ALOX5: variants seen among roughly 807,000 people sequenced by gnomAD.
The protein encoded by ALOX5 is arachidonate 5-lipoxygenase, also known as polyunsaturated fatty acid 5-lipoxygenase.
In ALOX5, 64 loss-of-function variants were observed where a neutral mutation model predicts 87.9. The ratio of observed to expected loss-of-function variants is 0.73; its 90% CI spans 0.60 to 0.90. The LOEUF is 0.90. Ranked by LOEUF, ALOX5 falls within the 40% of genes least tolerant of loss-of-function variation. ALOX5 has a pLI of 0.00. For missense variants in ALOX5, 822 were observed against 907.5 expected (o/e 0.91, Z 1.21); for synonymous variants, 388 against 355.1 (o/e 1.09, Z -1.04).
chr10:45,425,211 T>C lies in ALOX5; in HGVS notation c.834+79T>C. 4 of 1,482,818 alleles carry C rather than the reference T, an allele frequency of 2.7e-6. No homozygotes were observed. The highest frequency in any genetic ancestry group is 3.6e-6 in the Non-Finnish European group (4 of 1,105,930). The allele number at this position is 1,482,818 out of a possible 1,614,324, so 91.9% of individuals were successfully genotyped here. On this transcript the variant is annotated intron_variant, in intron 6 of 13. Transcript: ENST00000374391. This position sits in a 1 kb window ranked among gnomAD's most constrained non-coding sequence, Gnocchi z 4.4. ...GCCAGTTCCTCCTGGCCAGTGCTCA[T>C]AGGCCACCAAGACGCTAACTGCAGG...
intron 2 of ALOX5, among the ~76,000 whole-genome samples, chr10:45,390,620 A>G (rs1036597448): frequency 2.0e-5 from 3 of 152,374 alleles, no homozygotes; most frequent in African/African-American, 4.8e-5. Context: ...GAAGGCAGAA[A>G]TAAAGATTTT....
chr10:45,445,673 A>G lies in ALOX5; in HGVS notation c.2011A>G (p.Ser671Gly). The change falls in exon 14 of 14, where the codon AGT becomes GGT. Residue 671 changes from serine to glycine, a missense_variant. By Grantham distance (56) the Ser-to-Gly change is moderately conservative. Coordinates refer to ENST00000374391, the MANE Select transcript of ALOX5 (RefSeq NM_000698.5). ...YYLSPDRIPN[S>G]VAI is the part of the protein sequence containing the mutation. ...CTTGTCCCCAGACCGGATTCCGAACAGTGTGGCCATCTGAGCACACTGCCA... is the reference window on the plus strand; with the variant it reads ...CTTGTCCCCAGACCGGATTCCGAACGGTGTGGCCATCTGAGCACACTGCCA... 2 of 1,613,214 alleles carry G rather than the reference A, an allele frequency of 1.2e-6. No homozygotes were observed. The highest frequency in any genetic ancestry group is 1.7e-6 in the Non-Finnish European group (2 of 1,179,392).
At chr10:45,420,674 C>G (rs755402054) in intron 4 of ALOX5, among the ~76,000 whole-genome samples, 7 of 152,264 alleles carry the variant, frequency 4.6e-5, no homozygotes, top group Non-Finnish European at 7.3e-5. Flanking sequence ...CTGAGTAATT[C>G]TGGCACGCAG....
At position 45,374,347 on chromosome 10, in the gene ALOX5, A is replaced by G. The variant is rs1482005863; in HGVS notation, c.68A>G (p.Tyr23Cys). 6.5e-7 allele frequency: 1 copy of G among 1,537,954 alleles called. No homozygotes were observed. The highest frequency in any genetic ancestry group is 8.7e-7 in the Non-Finnish European group (1 of 1,144,192). ...QWFAGTDDYIYLSLVGSAGCS... is the reference protein window; with the variant it reads ...QWFAGTDDYICLSLVGSAGCS... Reference sequence around the variant, plus strand: ...TTCGCCGGCACTGACGACTACATCTACCTCAGCCTCGTGGGCTCGGCGGGC... The same window carrying G: ...TTCGCCGGCACTGACGACTACATCTGCCTCAGCCTCGTGGGCTCGGCGGGC... The change falls in exon 1 of 14, where the codon TAC (tyrosine) becomes TGC (cysteine). Residue 23 changes from tyrosine to cysteine, a missense_variant. By Grantham distance (194) the Tyr-to-Cys change is radical. Coordinates refer to ENST00000374391, the MANE Select transcript of ALOX5 (RefSeq NM_000698.5).
At chr10:45,415,581 T>A (rs1396043999) in intron 4 of ALOX5, among the ~76,000 whole-genome samples, 1 of 135,966 alleles carries the variant, frequency 7.4e-6, no homozygotes, top group East Asian at 2.1e-4. Context: ...AGTATAATAA[T>A]AAAAAAAAAG....
At chr10:45,417,029 T>C (rs1841319372) in intron 4 of ALOX5, among the ~76,000 whole-genome samples, 1 of 152,112 alleles carries the variant, frequency 6.6e-6, no homozygotes, top group Admixed American at 6.5e-5. Flanking sequence ...TGAAGGTCAT[T>C]GTCATCTCTG....
intron 1 of ALOX5, among the ~76,000 whole-genome samples, chr10:45,378,772 C>T (rs1839722209): frequency 6.6e-6 from 1 of 152,162 alleles, no homozygotes; most frequent in Non-Finnish European, 1.5e-5. Flanking sequence ...AGGCTGGAGC[C>T]CTCTGCCCCT....
Position 45,424,106 on chromosome 10 carries a change from A to ACTT in ALOX5, c.621_623dup (p.Phe208dup). On this transcript the variant is annotated inframe_insertion, in exon 5 of 14. Transcript: ENST00000374391. ...CAGTCTTCTTGGAATGACTTCGCCG[A>ACTT]CTTTGAGAAAATCTTTGTCAAGATC... 1.2e-6 allele frequency: 2 copies of ACTT among 1,614,196 alleles called. No homozygotes were observed. The highest frequency in any genetic ancestry group is 1.7e-6 in the Non-Finnish European group (2 of 1,180,020).
In ALOX5 at chr10:45,443,741, G is replaced by A. The variant is rs772139044; in HGVS notation, c.1587G>A (p.Ser529=). ...RGRKSSGFPK[S]VKSREQLSEY... ...GTTCCACCCTAGGCTTCCCCAAGTCGGTCAAGAGCCGGGAGCAGCTGTCGG... is the reference window on the plus strand; with the variant it reads ...GTTCCACCCTAGGCTTCCCCAAGTCAGTCAAGAGCCGGGAGCAGCTGTCGG... Residue 529 remains serine, a synonymous_variant, in exon 12 of 14, where the codon TCG becomes TCA. Coordinates refer to ENST00000374391, the MANE Select transcript of ALOX5 (RefSeq NM_000698.5). The A allele has an allele frequency of 2.5e-6, 4 of 1,612,090 alleles. No homozygotes were observed. Among genetic ancestry groups the A allele is most frequent in the African/African-American group, 2.7e-5 (2 of 74,964 alleles).
Position 45,425,366 on chromosome 10 carries a change from G to A in ALOX5, c.834+234G>A, listed in dbSNP as rs17157784. Among the ~76,000 whole-genome samples the A allele has an allele frequency of 0.056, 8,519 of 152,308 alleles. 624 individuals are homozygous for A. Among genetic ancestry groups the A allele is most frequent in the African/African-American group, 0.17 (6,898 of 41,536 alleles). ...GGGAATGTTTCTCCATGATGCTCGAGTCTGGGAACATAATGTCAATATTTT... is the reference window on the plus strand; with the variant it reads ...GGGAATGTTTCTCCATGATGCTCGAATCTGGGAACATAATGTCAATATTTT... On this transcript the variant is annotated intron_variant, in intron 6 of 13. Coordinates refer to ENST00000374391, the MANE Select transcript of ALOX5 (RefSeq NM_000698.5). The surrounding 1 kb of genome is among the most constrained non-coding windows in gnomAD (Gnocchi z 4.4).
chr10:45,387,544 T>C (rs969485592), intron 2 of ALOX5, among the ~76,000 whole-genome samples: 3 of 152,052 alleles, frequency 2.0e-5, no homozygotes, highest in Admixed American at 1.3e-4. Flanking sequence ...GGCCCTTAGG[T>C]CCCTGAAGAG....
chr10:45,444,448 C>T, intron 13 of ALOX5, 162 bp downstream of exon 13: 1 of 1,006,534 alleles, frequency 9.9e-7, no homozygotes, highest in Non-Finnish European at 1.4e-6. Flanking sequence ...CACCAGGTCC[C>T]CCGGCCTCAG....
At chr10:45,402,930 A>G (rs1840753315) in intron 3 of ALOX5, among the ~76,000 whole-genome samples, 1 of 152,354 alleles carries the variant, frequency 6.6e-6, no homozygotes, top group Admixed American at 6.5e-5. Flanking sequence ...AGAAGATCAC[A>G]GTGAACTGCT....
intron 3 of ALOX5, among the ~76,000 whole-genome samples, chr10:45,399,803 G>A (rs1840634991): frequency 6.6e-6 from 1 of 152,086 alleles, no homozygotes; most frequent in South Asian, 2.1e-4. Flanking sequence ...AAAATATTCT[G>A]TACAAAAAAC....
chr10:45,443,685 T>C, intron 11 of ALOX5, 43 bp from the exon 12 acceptor site: 1 of 1,595,632 alleles, frequency 6.3e-7, no homozygotes, highest in Non-Finnish European at 8.5e-7. Flanking sequence ...GGCCCTGGGG[T>C]CCTCAGGGAC....
intron 2 of ALOX5, among the ~76,000 whole-genome samples, chr10:45,392,864 A>G (rs1314832607): frequency 1.3e-5 from 2 of 152,228 alleles, no homozygotes; most frequent in Non-Finnish European, 2.9e-5. Flanking sequence ...AAAAATGGAT[A>G]AATTCCTCGA....
intron 4 of ALOX5, among the ~76,000 whole-genome samples, chr10:45,419,039 CCT>C (rs1841403326): frequency 6.6e-6 from 1 of 152,216 alleles, no homozygotes; most frequent in African/African-American, 2.4e-5. Context: ...ATGGAGCCGC[CCT>C]CTCCCCAGGA....
At chr10:45,388,313 G>A (rs1489912460) in intron 2 of ALOX5, among the ~76,000 whole-genome samples, 8 of 148,874 alleles carry the variant, frequency 5.4e-5, no homozygotes, top group Admixed American at 2.0e-4. Flanking sequence ...AGACTTAAAT[G>A]TCCCTGTCTG....
chr10:45,405,691 A>G (rs898578092), intron 3 of ALOX5, among the ~76,000 whole-genome samples: 2 of 151,510 alleles, frequency 1.3e-5, no homozygotes, highest in Admixed American at 1.3e-4. Flanking sequence ...AATTTTGTCT[A>G]ATACTTTTAT....
Sources: allele counts gnomAD v4.1 joint callset (sites outside exome capture counted in the v4.1 genomes callset), GRCh38; gene constraint gnomAD v4.1.1; non-coding constraint Gnocchi (gnomAD v3.1); transcripts MANE v1.5; gene names NCBI Gene and HGNC (gene_info 2026-07-23, HGNC 2026-07-21).